The following EDA variants were observed in gnomAD, a reference collection of about 807,000 sequenced individuals.
The protein encoded by EDA is ectodysplasin A, also known as ectodysplasin-A.
Under a neutral mutation model 23.6 loss-of-function variants are expected in EDA, and 2 were observed. The ratio of observed to expected loss-of-function variants is 0.08; its 90% CI spans 0.03 to 0.27. The LOEUF is 0.27. EDA is among the 10% of genes least tolerant of loss of function. EDA has a pLI of 1.00. For missense variants in EDA, 229 were observed against 324.2 expected (o/e 0.71, Z 2.26); for synonymous variants, 131 against 132.0 (o/e 0.99, Z 0.05).
At chrX:69,800,694 T>G (rs1293383374) in intron 1 of EDA, among the ~76,000 whole-genome samples, 1 of 111,761 alleles carries the variant, frequency 8.9e-6, no homozygotes, top group Non-Finnish European at 1.9e-5. Flanking sequence ...ATATTAACCA[T>G]CATAATCCAT....
chrX:69,800,893 A>G (rs188258869), intron 1 of EDA, among the ~76,000 whole-genome samples: 8 of 111,556 alleles, frequency 7.2e-5, no homozygotes, highest in African/African-American at 2.6e-4. Context: ...ACATTTACCA[A>G]CACAAGAACC....
At chrX:69,853,941 G>A (rs1469887437) in intron 1 of EDA, among the ~76,000 whole-genome samples, 1 of 111,524 alleles carries the variant, frequency 9.0e-6, no homozygotes, top group African/African-American at 3.3e-5. Context: ...ACACACTGCA[G>A]GCCAGATTTG....
At chrX:69,755,973 C>G (rs966866151) in intron 1 of EDA, among the ~76,000 whole-genome samples, 2 of 112,242 alleles carry the variant, frequency 1.8e-5, no homozygotes, top group East Asian at 5.7e-4. Context: ...CACAGCTTCC[C>G]TTTGCTAAGA....
intron 2 of EDA, among the ~76,000 whole-genome samples, chrX:70,006,586 A>G (rs186405816): frequency 6.3e-5 from 7 of 111,124 alleles, no homozygotes; most frequent in Admixed American, 5.8e-4. Flanking sequence ...CTGATTTTTG[A>G]GTTTTCTGTT....
intron 1 of EDA, among the ~76,000 whole-genome samples, chrX:69,724,472 G>A (rs1052907161): frequency 4.5e-5 from 5 of 111,352 alleles, no homozygotes; most frequent in African/African-American, 1.6e-4. Flanking sequence ...TGTACCAAGT[G>A]TCTGGAATGC....
intron 1 of EDA, among the ~76,000 whole-genome samples, chrX:69,789,025 G>A (rs757806359): frequency 8.1e-4 from 91 of 112,423 alleles, no homozygotes; most frequent in African/African-American, 2.6e-3. Flanking sequence ...TCGGAAAAGC[G>A]CAGTATTCGG....
intron 1 of EDA, among the ~76,000 whole-genome samples, chrX:69,807,490 T>C (rs904183358): frequency 9.9e-6 from 1 of 100,638 alleles, no homozygotes; most frequent in Admixed American, 1.1e-4. Flanking sequence ...ACACAAATAA[T>C]AATTTTAGAT....
At chrX:69,719,717 C>T (rs753520930) in intron 1 of EDA, among the ~76,000 whole-genome samples, 1 of 55,966 alleles carries the variant, frequency 1.8e-5, no homozygotes, top group East Asian at 3.1e-4. Context: ...TTCCGTTATA[C>T]ACACACACAC....
chrX:69,978,517 A>AAAAG (rs1169796700), intron 2 of EDA, among the ~76,000 whole-genome samples: 1 of 103,281 alleles, frequency 9.7e-6, no homozygotes, highest in African/African-American at 3.5e-5. Flanking sequence ...AAAAAAAAAA[A>AAAAG]AAAGAAAGAA....
intron 2 of EDA, among the ~76,000 whole-genome samples, chrX:70,014,652 G>A (rs1411269747): frequency 1.8e-5 from 2 of 112,040 alleles, no homozygotes; most frequent in African/African-American, 6.5e-5. Context: ...CCAATCCAAG[G>A]AATCTAAGGA....
intron 1 of EDA, among the ~76,000 whole-genome samples, chrX:69,749,923 T>TC (rs2013764307): frequency 2.5e-5 from 1 of 39,948 alleles, no homozygotes; most frequent in Non-Finnish European, 5.8e-5. Context: ...ACTAAGGTTC[T>TC]TTTTTTTTTT....
At chrX:69,651,740 T>C (rs1277885166) in intron 1 of EDA, among the ~76,000 whole-genome samples, 1 of 111,357 alleles carries the variant, frequency 9.0e-6, no homozygotes, top group Non-Finnish European at 1.9e-5. Flanking sequence ...TAGAGATTGC[T>C]GATGCAGGAG....
intron 1 of EDA, among the ~76,000 whole-genome samples, chrX:69,847,403 G>A (rs777583175): frequency 1.3e-4 from 14 of 111,145 alleles, no homozygotes; most frequent in East Asian, 2.8e-4. Context: ...ATTTACCACC[G>A]TAATCAGGAT....
chrX:70,035,077 C>G (rs1297346153), intron 7 of EDA, among the ~76,000 whole-genome samples: 1 of 111,842 alleles, frequency 8.9e-6, no homozygotes, highest in Non-Finnish European at 1.9e-5. Context: ...CACGGTGAAG[C>G]TGCAAATAGG....
At chrX:69,624,557 G>C (rs769531606) in intron 1 of EDA, among the ~76,000 whole-genome samples, 1 of 111,232 alleles carries the variant, frequency 9.0e-6, no homozygotes, top group Non-Finnish European at 1.9e-5. Context: ...CTTCTGGCAC[G>C]TGGTTAGAGA....
At chrX:69,828,408 C>T (rs1301486611) in intron 1 of EDA, among the ~76,000 whole-genome samples, 1 of 112,418 alleles carries the variant, frequency 8.9e-6, no homozygotes, top group Non-Finnish European at 1.9e-5. Context: ...CCTGATGCAC[C>T]CTTTTTTAAG....
intron 2 of EDA, among the ~76,000 whole-genome samples, chrX:69,977,962 A>C (rs188767441): frequency 1.3e-3 from 140 of 110,726 alleles, no homozygotes; most frequent in Non-Finnish European, 1.4e-3. Flanking sequence ...TTGTAAACTA[A>C]ATACCATATA....
intron 1 of EDA, among the ~76,000 whole-genome samples, chrX:69,810,950 G>C (rs1439845220): frequency 4.5e-5 from 5 of 111,282 alleles, no homozygotes; most frequent in Non-Finnish European, 9.4e-5. Context: ...CTTCTATAAG[G>C]GCTTGTGCCA....
chrX:69,844,693 A>T (rs2016970259), intron 1 of EDA, among the ~76,000 whole-genome samples: 1 of 112,554 alleles, frequency 8.9e-6, no homozygotes, highest in Admixed American at 9.4e-5. Flanking sequence ...CTCTCTGCAG[A>T]CATTTGTTTA....
Sources: gnomAD v4.1 joint callset for allele counts (sites outside exome capture counted in the v4.1 genomes callset) on GRCh38, gnomAD v4.1.1 for gene constraint, MANE v1.5 for transcripts, NCBI Gene and HGNC (gene_info 2026-07-23, HGNC 2026-07-21) for gene names.